Variants in PPIL6 observed in about 807,000 individuals in gnomAD.
The protein encoded by PPIL6 is peptidylprolyl isomerase like 6.
In PPIL6, 39 loss-of-function variants were observed where a neutral mutation model predicts 36.8. The observed-to-expected ratio is 1.06, with a 90% CI of 0.82 to 1.38. The LOEUF (loss-of-function observed/expected upper bound fraction) is 1.38, where lower values mean the gene tolerates loss of function less well. PPIL6 is among the 40% of genes most tolerant of loss of function. The pLI, the probability that PPIL6 is intolerant of heterozygous loss-of-function variation, is 0.00. For missense variants in PPIL6, 368 were observed against 379.1 expected (o/e 0.97, Z 0.24); for synonymous variants, 123 against 134.1 (o/e 0.92, Z 0.57).
At chr6:109,398,620 G>A (rs1772397499) in intron 7 of PPIL6, among the ~76,000 whole-genome samples, 1 of 152,168 alleles carries the variant, frequency 6.6e-6, no homozygotes, top group Non-Finnish European at 1.5e-5. Context: ...GGTCCACATG[G>A]CTTTAAGCAT....
intron 6 of PPIL6, among the ~76,000 whole-genome samples, chr6:109,417,337 CAGG>C (rs1025894493): frequency 4.0e-5 from 6 of 151,330 alleles, no homozygotes; most frequent in African/African-American, 1.5e-4. Flanking sequence ...TGCTTGAGCC[CAGG>C]AGTTCAAGTC....
Position 109,407,673 on chromosome 6 carries a change from T to C in PPIL6, c.689-7503A>G, listed in dbSNP as rs79891370. Among the ~76,000 whole-genome samples, 8 of 152,352 alleles carry C rather than the reference T, an allele frequency of 5.3e-5. No homozygotes were observed. The East Asian group carries it at 1.5e-3, about 29-fold the overall frequency. Reference sequence around the variant, plus strand: ...AATTACTCAATGACTTTATCCCACATTACATATACAACAGTCTCAAAATAA... The same window carrying C: ...AATTACTCAATGACTTTATCCCACACTACATATACAACAGTCTCAAAATAA... On this transcript the variant is annotated intron_variant, in intron 6 of 7. Transcript: ENST00000521072.
chr6:109,391,503 C>G lies in PPIL6; in HGVS notation c.*1323G>C, dbSNP rs368545912. On this transcript the variant is annotated 3_prime_UTR_variant, in exon 8 of 8. Coordinates refer to ENST00000521072, the MANE Select transcript of PPIL6 (RefSeq NM_173672.5). ...GTGCCCAGCTGTCTAAATGGGAACCCTGGGGAAAGAGCTAAATGAACACAG... is the reference window on the plus strand; with the variant it reads ...GTGCCCAGCTGTCTAAATGGGAACCGTGGGGAAAGAGCTAAATGAACACAG... 1 of 151,962 alleles carries G rather than the reference C, an allele frequency of 6.6e-6. No homozygotes were observed. Among genetic ancestry groups the G allele is most frequent in the South Asian group, 2.1e-4 (1 of 4,818 alleles). 9.4% of individuals were successfully genotyped at this position (151,962 alleles called of 1,614,324 possible).
At chr6:109,399,685 G>A (rs1350632845) in intron 7 of PPIL6, among the ~76,000 whole-genome samples, 2 of 152,122 alleles carry the variant, frequency 1.3e-5, no homozygotes, top group African/African-American at 4.8e-5. Context: ...TTACAGGCAT[G>A]AGCCACCATG....
chr6:109,430,454 A>C (rs1774075628), intron 3 of PPIL6, among the ~76,000 whole-genome samples: 1 of 149,500 alleles, frequency 6.7e-6, no homozygotes, highest in Non-Finnish European at 1.5e-5. Flanking sequence ...TTTGAGACGG[A>C]GTCTCGCTCT....
At chr6:109,399,257 G>A (rs780388391) in intron 7 of PPIL6, among the ~76,000 whole-genome samples, 2 of 152,000 alleles carry the variant, frequency 1.3e-5, no homozygotes, top group Non-Finnish European at 2.9e-5. Context: ...ACAGGTGCAT[G>A]CCACCACGCC....
At chr6:109,437,454 C>T (rs1774507404) in intron 1 of PPIL6, among the ~76,000 whole-genome samples, 1 of 151,988 alleles carries the variant, frequency 6.6e-6, no homozygotes, top group Admixed American at 6.6e-5. Flanking sequence ...CCATTTCCTT[C>T]TGTCCCCAAG....
chr6:109,433,332 C>T (rs926023371), intron 2 of PPIL6, among the ~76,000 whole-genome samples: 1 of 152,340 alleles, frequency 6.6e-6, no homozygotes, highest in East Asian at 1.9e-4. Context: ...GTTGGGATTA[C>T]AGGCGTGAGC....
At chr6:109,400,543 A>C (rs1357316295) in intron 6 of PPIL6, among the ~76,000 whole-genome samples, 1 of 152,152 alleles carries the variant, frequency 6.6e-6, no homozygotes, top group Non-Finnish European at 1.5e-5. Context: ...CATTAAAAAC[A>C]CCTCCTCTGA....
Position 109,418,761 on chromosome 6 carries a change from C to T in PPIL6, c.688+426G>A, listed in dbSNP as rs934785981. 3.9e-5 allele frequency among the ~76,000 whole-genome samples: 6 copies of T among 152,004 alleles called. No individual in the cohort carries two copies. The East Asian group carries it at 9.7e-4, about 24-fold the overall frequency. On this transcript the variant is annotated intron_variant, in intron 6 of 7. Transcript: ENST00000521072. ...TTCACCATATTAGCCAGGCTGATCT[C>T]GAACTCCTGACCTCAAATGATCCAC...
intron 6 of PPIL6, among the ~76,000 whole-genome samples, chr6:109,412,175 A>C (rs1773043013): frequency 6.6e-6 from 1 of 152,210 alleles, no homozygotes; most frequent in Non-Finnish European, 1.5e-5. Flanking sequence ...TTTCCTGCAT[A>C]AACTGCCCCT....
chr6:109,402,913 G>T, intron 6 of PPIL6: 1 of 650,806 alleles, frequency 1.5e-6, no homozygotes, highest in Non-Finnish European at 2.5e-6. Context: ...AGAAAGAACC[G>T]TTTTAAATAT....
intron 6 of PPIL6, chr6:109,405,129 AC>A: frequency 2.9e-6 from 1 of 349,550 alleles, no homozygotes; most frequent in Non-Finnish European, 5.4e-6. Context: ...GCCACAGAAA[AC>A]TAATGTATAA....
intron 6 of PPIL6, among the ~76,000 whole-genome samples, chr6:109,407,332 C>T (rs1221141195): frequency 2.6e-5 from 4 of 152,022 alleles, no homozygotes; most frequent in African/African-American, 9.7e-5. Context: ...CTCTGCCTCC[C>T]GGGTTCACGC....
rs1165037089 is a variant in PPIL6 at position 109,427,170 on chromosome 6, G to A, written c.421-14C>T. On this transcript the variant is annotated splice_polypyrimidine_tract_variant and intron_variant, in intron 3 of 7. Transcript: ENST00000521072. ...CACGAAATCATGCTGTGAAGATTAA[G>A]GAGAATCATATAATGCAGGTCAAAG... 6.2e-7 allele frequency: 1 copy of A among 1,601,416 alleles called. No homozygotes were observed. The highest frequency in any genetic ancestry group is 8.5e-7 in the Non-Finnish European group (1 of 1,169,854).
chr6:109,439,759 C>A (rs1238077722), intron 1 of PPIL6, among the ~76,000 whole-genome samples: 2 of 152,184 alleles, frequency 1.3e-5, no homozygotes, highest in Non-Finnish European at 2.9e-5. Context: ...CCATGGACAG[C>A]ATTTCTGGAG....
At chr6:109,431,426 G>C in intron 2 of PPIL6, 81 bp from the exon 3 acceptor site, 1 of 998,712 alleles carries the variant, frequency 1.0e-6, no homozygotes, top group Admixed American at 2.7e-5. Context: ...CAGAGCTTAG[G>C]ATCAACTCTA....
chr6:109,425,416 G>A (rs915750457), intron 5 of PPIL6, among the ~76,000 whole-genome samples: 15 of 152,086 alleles, frequency 9.9e-5, no homozygotes, highest in African/African-American at 3.6e-4. Context: ...AAGGGTGGTG[G>A]GAGCTAAGCA....
intron 6 of PPIL6, among the ~76,000 whole-genome samples, chr6:109,407,058 C>G (rs1772825902): frequency 6.6e-6 from 1 of 152,164 alleles, no homozygotes; most frequent in Non-Finnish European, 1.5e-5. Flanking sequence ...TGCCATTTCT[C>G]CCAGAGACTC....
Sources: gnomAD v4.1 joint callset for allele counts (sites outside exome capture counted in the v4.1 genomes callset) on GRCh38, gnomAD v4.1.1 for gene constraint, MANE v1.5 for transcripts, NCBI Gene and HGNC (gene_info 2026-07-23, HGNC 2026-07-21) for gene names.